RIC8B: variants seen among roughly 807,000 people sequenced by gnomAD.
RIC8B encodes RIC8 guanine nucleotide exchange factor B.
RIC8B carries 16 observed loss-of-function variants against 57.5 expected under a neutral mutation model. The ratio of observed to expected loss-of-function variants is 0.28; its 90% CI spans 0.19 to 0.42. The LOEUF is 0.42. Ranked by LOEUF, RIC8B falls within the 10% of genes least tolerant of loss-of-function variation. The pLI is 1.00. For synonymous variants in RIC8B, 216 were observed against 250.8 expected, an observed-to-expected ratio of 0.86 and a Z score of 1.31; for missense variants, 481 against 677.0, an observed-to-expected ratio of 0.71 and a Z score of 3.21.
intron 8 of RIC8B, among the ~76,000 whole-genome samples, chr12:106,863,535 G>A (rs1330209675): frequency 2.6e-5 from 4 of 151,762 alleles, no homozygotes; most frequent in African/African-American, 9.7e-5. Flanking sequence ...ATTATATTGG[G>A]CTTTATAAAT....
intron 9 of RIC8B, chr12:106,874,644 C>A: frequency 1.8e-6 from 2 of 1,108,308 alleles, no homozygotes; most frequent in Non-Finnish European, 2.6e-6. Context: ...GTAAAACCAC[C>A]AATGTAAAAG....
At chr12:106,861,623 C>T (rs1392601881) in intron 8 of RIC8B, among the ~76,000 whole-genome samples, 1 of 152,060 alleles carries the variant, frequency 6.6e-6, no homozygotes, top group Non-Finnish European at 1.5e-5. Context: ...CTATCTCTGA[C>T]AAGTATTTGA....
At chr12:106,855,259 C>T (rs1181313775) in intron 7 of RIC8B, among the ~76,000 whole-genome samples, 1 of 152,190 alleles carries the variant, frequency 6.6e-6, no homozygotes, top group Non-Finnish European at 1.5e-5. Flanking sequence ...GTCTCTTTAG[C>T]TTGAGGTTCA....
chr12:106,814,314 A>T (rs1161498329), intron 2 of RIC8B, among the ~76,000 whole-genome samples: 1 of 152,184 alleles, frequency 6.6e-6, no homozygotes, highest in East Asian at 1.9e-4. Context: ...GATCTTAGCT[A>T]AAGGGGGTTC....
intron 9 of RIC8B, among the ~76,000 whole-genome samples, chr12:106,880,410 G>T (rs1950871152): frequency 1.3e-5 from 2 of 152,180 alleles, no homozygotes; most frequent in Non-Finnish European, 2.9e-5. Flanking sequence ...AATTAGTATA[G>T]AATATTGGGG....
chr12:106,833,702 A>G (rs910647226), intron 4 of RIC8B, among the ~76,000 whole-genome samples: 3 of 152,184 alleles, frequency 2.0e-5, no homozygotes, highest in African/African-American at 7.2e-5. Context: ...TTGAACTATC[A>G]TTAGCTAATA....
intron 8 of RIC8B, among the ~76,000 whole-genome samples, chr12:106,866,680 TAC>T (rs1278410902): frequency 1.3e-5 from 2 of 150,840 alleles, no homozygotes; most frequent in Admixed American, 6.6e-5. Context: ...TTGCTTGTTT[TAC>T]ACAGTGTTCT....
At chr12:106,788,838 T>G (rs2044146587) in intron 2 of RIC8B, among the ~76,000 whole-genome samples, 1 of 152,208 alleles carries the variant, frequency 6.6e-6, no homozygotes, top group Non-Finnish European at 1.5e-5. Flanking sequence ...TGACATGCCC[T>G]GGAGACATTT....
At chr12:106,810,127 A>C (rs1269662324) in intron 2 of RIC8B, among the ~76,000 whole-genome samples, 1 of 150,496 alleles carries the variant, frequency 6.6e-6, no homozygotes, top group Non-Finnish European at 1.5e-5. Context: ...CTATTTTATA[A>C]CATCCCTGTG....
At chr12:106,857,380 G>A (rs547120360) in intron 7 of RIC8B, among the ~76,000 whole-genome samples, 6 of 152,106 alleles carry the variant, frequency 3.9e-5, no homozygotes, top group African/African-American at 7.2e-5. Context: ...GAGCAAAAAC[G>A]TATTGCTTTT....
chr12:106,880,692 CATG>C, intron 9 of RIC8B, among the ~76,000 whole-genome samples: 1 of 152,186 alleles, frequency 6.6e-6, no homozygotes, highest in African/African-American at 2.4e-5. Context: ...GTTAAAATAA[CATG>C]AGAATGATTC....
chr12:106,823,374 T>A, intron 3 of RIC8B: 9 of 450,182 alleles, frequency 2.0e-5, no homozygotes, highest in South Asian at 1.4e-4. Flanking sequence ...GCTAATTTAG[T>A]GGATTTAGAG....
chr12:106,870,077 CAA>C (rs1011613400), intron 8 of RIC8B, among the ~76,000 whole-genome samples: 31 of 109,968 alleles, frequency 2.8e-4, no homozygotes, highest in Admixed American at 2.8e-4. Flanking sequence ...TTCCTGTCCT[CAA>C]AAAAAAAAAA....
chr12:106,870,953 C>A lies in RIC8B; in HGVS notation c.1571+11C>A, dbSNP rs1370439971. 2.6e-6 allele frequency: 4 copies of A among 1,544,486 alleles called. No individual in the cohort carries two copies. Among genetic ancestry groups the A allele is most frequent in the African/African-American group, 1.4e-5 (1 of 72,738 alleles). On this transcript the variant is annotated intron_variant, in intron 9 of 9. Coordinates refer to ENST00000392837, the MANE Select transcript of RIC8B (RefSeq NM_001330145.2). ...TGATAAACTTTCCAGGTATTGTATTCCCATCCATTTTTTGCTTGGTTTCTA... is the reference window on the plus strand; with the variant it reads ...TGATAAACTTTCCAGGTATTGTATTACCATCCATTTTTTGCTTGGTTTCTA...
In RIC8B at chr12:106,843,836, G is replaced by GTTTTT; in HGVS notation, c.1066-9_1066-5dup. The GTTTTT allele has an allele frequency of 8.1e-7, 1 of 1,241,878 alleles. No homozygotes were observed. Among genetic ancestry groups the GTTTTT allele is most frequent in the Non-Finnish European group, 1.1e-6 (1 of 895,160 alleles). The allele number at this position is 1,241,878 out of a possible 1,614,324, so 76.9% of individuals were successfully genotyped here. Reference sequence around the variant, plus strand: ...AACTAACGTATTTCAAAAACATATGGTTTTTTTTTTTATAGGGAAGCAGCT... The same window carrying GTTTTT: ...AACTAACGTATTTCAAAAACATATGGTTTTTTTTTTTTTTTTATAGGGAAGCAGCT... On this transcript the variant is annotated splice_polypyrimidine_tract_variant and intron_variant, in intron 5 of 9. Coordinates refer to ENST00000392837, the MANE Select transcript of RIC8B (RefSeq NM_001330145.2).
At chr12:106,839,307 C>T (rs186483792) in intron 4 of RIC8B, among the ~76,000 whole-genome samples, 3 of 152,092 alleles carry the variant, frequency 2.0e-5, no homozygotes, top group East Asian at 1.9e-4. Flanking sequence ...ATAAAATGTG[C>T]GTATATATGT....
At chr12:106,851,996 G>A (rs1256868917) in intron 7 of RIC8B, among the ~76,000 whole-genome samples, 2 of 152,092 alleles carry the variant, frequency 1.3e-5, no homozygotes, top group South Asian at 2.1e-4. Flanking sequence ...AGGAGTTTTG[G>A]TTTCTTTACT....
At chr12:106,883,469 T>C (rs894073522) in intron 9 of RIC8B, among the ~76,000 whole-genome samples, 1 of 152,044 alleles carries the variant, frequency 6.6e-6, no homozygotes, top group Non-Finnish European at 1.5e-5. Context: ...GCCCTTCAAG[T>C]CCTAAAATAT....
rs561351215 is a variant in RIC8B, at chr12:106,792,151, T to C, written c.132+8107T>C. Among the ~76,000 whole-genome samples, 19 of 152,320 alleles carry C rather than the reference T, an allele frequency of 1.2e-4. No homozygotes were observed. The South Asian group carries it at 3.9e-3, about 32-fold the overall frequency. On this transcript the variant is annotated intron_variant, in intron 2 of 9. Transcript: ENST00000392837. The stretch of plus-strand genomic sequence containing the variant: ...CAAAAGTACATCTAAACCTTTTACT[T>C]TTTAAAGTTCCTGTCCAGCTGGAAT...
Sources: allele counts gnomAD v4.1 joint callset (sites outside exome capture counted in the v4.1 genomes callset), GRCh38; gene constraint gnomAD v4.1.1; transcripts MANE v1.5; gene names NCBI Gene and HGNC (gene_info 2026-07-23, HGNC 2026-07-21).